Variants in GABRG3 observed in about 807,000 individuals in gnomAD.
GABRG3 encodes the protein gamma-aminobutyric acid type A receptor subunit gamma3.
GABRG3 carries 25 observed loss-of-function variants against 48.8 expected under a neutral mutation model. The observed-to-expected ratio is 0.51, with a 90% CI of 0.37 to 0.72. The LOEUF (loss-of-function observed/expected upper bound fraction) is 0.72. Ranked by LOEUF, GABRG3 falls within the 30% of genes least tolerant of loss-of-function variation. The pLI, the probability that GABRG3 is intolerant of heterozygous loss-of-function variation, is 0.00. For synonymous variants in GABRG3, 227 were observed against 217.6 expected, an observed-to-expected ratio of 1.04 and a Z score of -0.38; for missense variants, 394 against 577.9, an observed-to-expected ratio of 0.68 and a Z score of 3.26.
At chr15:27,456,328 G>A (rs1356475088) in intron 5 of GABRG3, among the ~76,000 whole-genome samples, 1 of 152,218 alleles carries the variant, frequency 6.6e-6, no homozygotes, top group Non-Finnish European at 1.5e-5. Context: ...CCACAGATGA[G>A]AGAATGTCTG....
At chr15:27,119,172 A>G (rs12913080) in intron 3 of GABRG3, among the ~76,000 whole-genome samples, 2,106 of 152,212 alleles carry the variant, frequency 0.014, 15 homozygotes, top group Non-Finnish European at 0.023. Context: ...CTGTTTCCTC[A>G]TTGTCAGATC....
chr15:27,334,554 G>T (rs1263922584), intron 5 of GABRG3, among the ~76,000 whole-genome samples: 2 of 152,098 alleles, frequency 1.3e-5, no homozygotes, highest in Non-Finnish European at 2.9e-5. Context: ...CTGGGACACT[G>T]GTCACACTAA....
At chr15:27,476,028 G>T (rs1277990806) in intron 5 of GABRG3, among the ~76,000 whole-genome samples, 1 of 152,074 alleles carries the variant, frequency 6.6e-6, no homozygotes, top group Non-Finnish European at 1.5e-5. Flanking sequence ...TGAACCAAAG[G>T]AGACCCGGCT....
At chr15:27,218,921 A>G (rs1160842120) in intron 3 of GABRG3, among the ~76,000 whole-genome samples, 1 of 152,134 alleles carries the variant, frequency 6.6e-6, no homozygotes, top group Non-Finnish European at 1.5e-5. Context: ...ATTGTGAATC[A>G]CAGAGTAATG....
chr15:27,080,420 T>A (rs1896974005), intron 3 of GABRG3, among the ~76,000 whole-genome samples: 1 of 152,178 alleles, frequency 6.6e-6, no homozygotes, highest in African/African-American at 2.4e-5. Context: ...CACTCCAGCC[T>A]GGGTGACAGA....
intron 2 of GABRG3, among the ~76,000 whole-genome samples, chr15:26,986,621 A>T (rs1405211502): frequency 6.6e-6 from 1 of 152,204 alleles, no homozygotes; most frequent in Non-Finnish European, 1.5e-5. Flanking sequence ...CATTAAAAAT[A>T]TGTGCTGGAT....
At chr15:27,505,250 A>G (rs941107371) in intron 6 of GABRG3, among the ~76,000 whole-genome samples, 1 of 152,128 alleles carries the variant, frequency 6.6e-6, no homozygotes, top group Non-Finnish European at 1.5e-5. Context: ...ATTGTATCAC[A>G]TAGGGATTAC....
chr15:27,180,798 A>G lies in GABRG3; in HGVS notation c.271-146011A>G, dbSNP rs17137662. On this transcript the variant is annotated intron_variant, in intron 3 of 9. Transcript: ENST00000615808. The surrounding 1 kb of genome is among the most constrained non-coding windows in gnomAD (Gnocchi z 4.2). The stretch of plus-strand genomic sequence containing the variant: ...CTGACTAATGCTCTTATCCACTCAC[A>G]TTTTGTCACTATCAGCATATATACC... Among the ~76,000 whole-genome samples, 2,870 of 152,214 alleles carry G rather than the reference A, an allele frequency of 0.019. 97 individuals are homozygous for G. The highest frequency in any genetic ancestry group is 0.065 in the African/African-American group (2,687 of 41,500).
intron 5 of GABRG3, among the ~76,000 whole-genome samples, chr15:27,403,851 G>T (rs1223240879): frequency 2.0e-5 from 3 of 147,292 alleles, no homozygotes; most frequent in African/African-American, 5.1e-5. Flanking sequence ...GGCAGAGGTT[G>T]CAGTGAGCCG....
chr15:27,520,171 A>G (rs1274963894), intron 7 of GABRG3, 47 bp downstream of exon 7: 2 of 1,506,824 alleles, frequency 1.3e-6, no homozygotes, highest in African/African-American at 2.8e-5. Flanking sequence ...ATTGTAATAT[A>G]GAAGCATTCA....
intron 3 of GABRG3, among the ~76,000 whole-genome samples, chr15:27,272,018 A>G (rs543724933): frequency 6.6e-6 from 1 of 152,266 alleles, no homozygotes; most frequent in African/African-American, 2.4e-5. Context: ...CGCCTGGTGC[A>G]CAGGCAGTTT....
At chr15:27,387,014 T>A (rs950793438) in intron 5 of GABRG3, among the ~76,000 whole-genome samples, 8 of 152,390 alleles carry the variant, frequency 5.2e-5, no homozygotes, top group Middle Eastern at 3.4e-3. Flanking sequence ...ACTTTTCATT[T>A]ACAAATAATT....
intron 5 of GABRG3, among the ~76,000 whole-genome samples, chr15:27,441,507 G>C (rs1459139543): frequency 6.6e-6 from 1 of 152,232 alleles, no homozygotes; most frequent in South Asian, 2.1e-4. Context: ...TATTCCCAAC[G>C]CCTAGTCCCA....
At chr15:27,213,054 G>A (rs1405645857) in intron 3 of GABRG3, among the ~76,000 whole-genome samples, 1 of 152,060 alleles carries the variant, frequency 6.6e-6, no homozygotes, top group Admixed American at 6.6e-5. Flanking sequence ...CTTTACTTCA[G>A]TCTACTCTAG....
intron 3 of GABRG3, among the ~76,000 whole-genome samples, chr15:27,290,452 TATG>T (rs1891758685): frequency 2.0e-5 from 3 of 152,034 alleles, no homozygotes; most frequent in Admixed American, 2.0e-4. Flanking sequence ...AGCTGGCAAA[TATG>T]ATCTTATCCA....
chr15:27,248,795 C>G (rs1292822852), intron 3 of GABRG3, among the ~76,000 whole-genome samples: 2 of 119,920 alleles, frequency 1.7e-5, no homozygotes, highest in African/African-American at 3.5e-5. Flanking sequence ...CACACACACA[C>G]ACACACACAG....
At chr15:27,422,720 A>C (rs892361730) in intron 5 of GABRG3, among the ~76,000 whole-genome samples, 1 of 152,204 alleles carries the variant, frequency 6.6e-6, no homozygotes, top group Non-Finnish European at 1.5e-5. Context: ...TTCAACATTG[A>C]TATCAATAAT....
At chr15:26,987,015 T>C (rs1402299347) in intron 2 of GABRG3, among the ~76,000 whole-genome samples, 2 of 152,346 alleles carry the variant, frequency 1.3e-5, no homozygotes, top group South Asian at 2.1e-4. Context: ...TAATGCACTT[T>C]GGAAGGCCAA....
intron 3 of GABRG3, among the ~76,000 whole-genome samples, chr15:27,287,737 C>CT (rs61469529): frequency 0.057 from 7,047 of 123,194 alleles, 742 homozygotes; most frequent in African/African-American, 0.18. Flanking sequence ...TTTGCTGTGT[C>CT]TTTTTTTTTT....
Sources: allele counts gnomAD v4.1 joint callset (sites outside exome capture counted in the v4.1 genomes callset), GRCh38; gene constraint gnomAD v4.1.1; non-coding constraint Gnocchi (gnomAD v3.1); transcripts MANE v1.5; gene names NCBI Gene and HGNC (gene_info 2026-07-23, HGNC 2026-07-21).